Variants in OTOGL observed in about 807,000 individuals in gnomAD.
OTOGL encodes otogelin like.
Under a neutral mutation model 318.5 loss-of-function variants are expected in OTOGL, and 285 were observed. That is an observed-to-expected ratio of 0.89 (90% CI 0.81 to 0.99). The LOEUF (loss-of-function observed/expected upper bound fraction) is 0.99. Among genes scored for constraint, OTOGL ranks in the 50% least tolerant of loss-of-function variants. OTOGL has a pLI of 0.00. For synonymous variants in OTOGL, 987 were observed against 936.5 expected (o/e 1.05, Z -0.99); for missense variants, 2,899 against 2,845.6 (o/e 1.02, Z -0.43).
Position 80,323,959 on chromosome 12 carries a change from T to C in OTOGL, c.4199+119T>C, listed in dbSNP as rs148591446. The C allele has an allele frequency of 1.2e-3, 889 of 725,506 alleles. 4 individuals carry two copies. Among genetic ancestry groups the C allele is most frequent in the African/African-American group, 0.012 (647 of 56,104 alleles). The allele number at this position is 725,506 out of a possible 1,614,324, so 44.9% of individuals were successfully genotyped here. A position where few individuals can be genotyped will look rare whatever the true frequency, so the allele number is the denominator to read the frequency against. On this transcript the variant is annotated intron_variant, in intron 35 of 58. Transcript: ENST00000547103. Reference sequence around the variant, plus strand: ...CAAGTTGTATATGCTATATATTCTTTCATGATATTAATTTCGCTTAAATCA... The same window carrying C: ...CAAGTTGTATATGCTATATATTCTTCCATGATATTAATTTCGCTTAAATCA...
chr12:80,306,899 G>A (rs1461945738), intron 29 of OTOGL, among the ~76,000 whole-genome samples: 1 of 150,910 alleles, frequency 6.6e-6, no homozygotes, highest in African/African-American at 2.5e-5. Flanking sequence ...GGGAAGGTCA[G>A]CAGATAAACA....
chr12:80,237,182 CT>C (rs1879943915), intron 9 of OTOGL, among the ~76,000 whole-genome samples: 1 of 152,132 alleles, frequency 6.6e-6, no homozygotes, highest in Non-Finnish European at 1.5e-5. Context: ...TATTCATTCA[CT>C]TATTTAGCAA....
In OTOGL at chr12:80,380,101, T is replaced by C. The variant is rs920757195; in HGVS notation, c.*2053T>C. On this transcript the variant is annotated 3_prime_UTR_variant, in exon 59 of 59. Transcript: ENST00000547103. The stretch of plus-strand genomic sequence containing the variant: ...TTACGTAGATAAAGAAAAATTTGAA[T>C]TCATACATCCATTGACATTAGGATA... 1.3e-5 allele frequency: 2 copies of C among 151,982 alleles called. No individual in the cohort carries two copies. Among genetic ancestry groups the C allele is most frequent in the Non-Finnish European group, 2.9e-5 (2 of 67,910 alleles). 9.4% of individuals were successfully genotyped at this position (151,982 alleles called of 1,614,324 possible).
At chr12:80,117,962 T>C (rs1225905254) in intron 1 of OTOGL, among the ~76,000 whole-genome samples, 2 of 152,168 alleles carry the variant, frequency 1.3e-5, no homozygotes, top group African/African-American at 4.8e-5. Context: ...TCAAAGCACA[T>C]CTTTAAAACT....
chr12:80,252,104 T>C lies in OTOGL; in HGVS notation c.1188T>C (p.His396=). 2 of 1,555,424 alleles carry C rather than the reference T, an allele frequency of 1.3e-6. No individual in the cohort carries two copies. Among genetic ancestry groups the C allele is most frequent in the Non-Finnish European group, 1.7e-6 (2 of 1,148,144 alleles). The change falls in exon 13 of 59, where the codon CAT becomes CAC. Residue 396 remains histidine, a synonymous_variant. Transcript: ENST00000547103. ...ATAAATGTGATGATAGCTTTGTCCATCGGGACTGTATCAGTTGTTGTCCAC... is the reference window on the plus strand; with the variant it reads ...ATAAATGTGATGATAGCTTTGTCCACCGGGACTGTATCAGTTGTTGTCCAC... ...CTDKCDDSFV[H]RDCISCCPPT... is the part of the protein sequence containing the mutation.
In OTOGL at chr12:80,256,433, A is replaced by C. The variant is rs778023212; in HGVS notation, c.1684A>C (p.Ser562Arg). ...TLGRGGQILT[S>R]PNQGFNLNGI... ...TGGTAGGGGAGGACAAATTCTCACT[A>C]GTCCTAACCAAGGCTTCAACCTGAA... Residue 562 changes from serine to arginine, a missense_variant, in exon 17 of 59, where the codon AGT becomes CGT. Ser to Arg is a moderately radical substitution (Grantham distance 110). Around this residue, in one of 3 missense-constraint regions of OTOGL, gnomAD observed 2,607 missense variants for 2,524.9 expected, o/e 1.03. Transcript: ENST00000547103. 6.3e-7 allele frequency: 1 copy of C among 1,585,980 alleles called. No homozygotes were observed.
At chr12:80,265,631 CTTATG>C (rs1478743891) in intron 20 of OTOGL, 1 of 192,892 alleles carries the variant, frequency 5.2e-6, no homozygotes, top group East Asian at 1.3e-4. Context: ...AATTTTCACA[CTTATG>C]TTGTCTGCCA....
intron 18 of OTOGL, among the ~76,000 whole-genome samples, chr12:80,260,601 A>T (rs552064014): frequency 1.3e-5 from 2 of 152,232 alleles, no homozygotes; most frequent in Non-Finnish European, 2.9e-5. Context: ...GAATATGCAG[A>T]CATTGCGGAA....
chr12:80,287,068 C>T (rs1003587900), intron 26 of OTOGL, among the ~76,000 whole-genome samples: 3 of 148,244 alleles, frequency 2.0e-5, no homozygotes, highest in Non-Finnish European at 4.4e-5. Flanking sequence ...ACTGCTTTAG[C>T]TGTGTCCCAG....
At chr12:80,307,062 G>A (rs1281905864) in intron 29 of OTOGL, among the ~76,000 whole-genome samples, 4 of 149,678 alleles carry the variant, frequency 2.7e-5, no homozygotes, top group South Asian at 2.1e-4. Context: ...ATCTTGCACC[G>A]CCCTTAATCC....
chr12:80,331,930 G>A (rs1888097878), intron 37 of OTOGL, among the ~76,000 whole-genome samples: 1 of 152,098 alleles, frequency 6.6e-6, no homozygotes, highest in Admixed American at 6.6e-5. Flanking sequence ...AAGGGAAAAG[G>A]AAGGGAAGGA....
chr12:80,376,996 C>A, intron 57 of OTOGL, 127 bp from the exon 58 acceptor site: 1 of 543,128 alleles, frequency 1.8e-6, no homozygotes. Flanking sequence ...TTTTAAATAT[C>A]TTTCAATACT....
At chr12:80,342,215 A>G in intron 44 of OTOGL, 53 bp downstream of exon 44, 1 of 1,350,312 alleles carries the variant, frequency 7.4e-7, no homozygotes, top group Non-Finnish European at 1.0e-6. Context: ...TGTTGAGAGT[A>G]AAAGCCAATA....
intron 1 of OTOGL, among the ~76,000 whole-genome samples, chr12:80,103,994 C>T (rs1222229501): frequency 6.6e-6 from 1 of 152,130 alleles, no homozygotes; most frequent in African/African-American, 2.4e-5. Context: ...TTGATCTTTT[C>T]CCTGTTGACT....
At chr12:80,161,033 A>T (rs1873479200) in intron 1 of OTOGL, among the ~76,000 whole-genome samples, 1 of 152,086 alleles carries the variant, frequency 6.6e-6, no homozygotes, top group Non-Finnish European at 1.5e-5. Context: ...TTAAGCTATG[A>T]AGATTCAAAG....
At chr12:80,186,053 T>TTC (rs3045764) in intron 1 of OTOGL, among the ~76,000 whole-genome samples, 142,292 of 152,242 alleles carry the variant, frequency 0.93, 66,621 homozygotes, top group East Asian at 1. Context: ...TTAGGGCTTC[T>TTC]TTTCCAAGGG....
intron 17 of OTOGL, among the ~76,000 whole-genome samples, chr12:80,257,495 A>G (rs1341629039): frequency 1.3e-5 from 2 of 152,116 alleles, no homozygotes; most frequent in Non-Finnish European, 2.9e-5. Context: ...CATTTAGGAC[A>G]AAAGTCTGAA....
intron 11 of OTOGL, among the ~76,000 whole-genome samples, chr12:80,249,681 G>T (rs1352723232): frequency 3.3e-5 from 5 of 152,078 alleles, no homozygotes; most frequent in Admixed American, 6.6e-5. Context: ...CTTGAGCTGT[G>T]GTGGGCTCCA....
chr12:80,331,261 A>G (rs1888048587), intron 37 of OTOGL, among the ~76,000 whole-genome samples: 1 of 151,988 alleles, frequency 6.6e-6, no homozygotes, highest in Non-Finnish European at 1.5e-5. Context: ...ACACCCAGAT[A>G]ATGTTTATAA....
Sources: allele counts gnomAD v4.1 joint callset (sites outside exome capture counted in the v4.1 genomes callset), GRCh38; gene constraint gnomAD v4.1.1; regional missense constraint gnomAD v4.1.1; transcripts MANE v1.5; gene names NCBI Gene and HGNC (gene_info 2026-07-23, HGNC 2026-07-21).